Variants in SORCS1 observed in about 807,000 individuals in gnomAD.
The protein encoded by SORCS1 is sortilin related VPS10 domain containing receptor 1.
In SORCS1, 60 loss-of-function variants were observed where a neutral mutation model predicts 146.1. The observed-to-expected ratio is 0.41, with a 90% CI of 0.33 to 0.51. The LOEUF is 0.51. SORCS1 is among the 20% of genes least tolerant of loss of function. The pLI is 0.21. For missense variants in SORCS1, 1,352 were observed against 1,487.6 expected (o/e 0.91, Z 1.50); for synonymous variants, 637 against 584.0 (o/e 1.09, Z -1.31).
chr10:106,907,453 T>C (rs985686647), intron 2 of SORCS1, among the ~76,000 whole-genome samples: 7 of 152,298 alleles, frequency 4.6e-5, no homozygotes, highest in African/African-American at 1.2e-4. Flanking sequence ...AGGAAGTATA[T>C]ATACCTAAAG....
At chr10:106,802,272 A>C (rs1447537624) in intron 3 of SORCS1, among the ~76,000 whole-genome samples, 1 of 152,196 alleles carries the variant, frequency 6.6e-6, no homozygotes, top group African/African-American at 2.4e-5. Flanking sequence ...TTCAGGGAAG[A>C]TTTGCATCCA....
intron 1 of SORCS1, among the ~76,000 whole-genome samples, chr10:107,112,426 C>T (rs1286807649): frequency 6.6e-6 from 1 of 151,518 alleles, no homozygotes. Flanking sequence ...ACAAAGCATA[C>T]CAATACAAAA....
chr10:106,951,018 A>G (rs1289060436), intron 2 of SORCS1, among the ~76,000 whole-genome samples: 1 of 152,196 alleles, frequency 6.6e-6, no homozygotes, highest in East Asian at 1.9e-4. Flanking sequence ...AAAGTAAAGA[A>G]GCAACACTTA....
chr10:106,764,582 T>A (rs1409621585), intron 4 of SORCS1, among the ~76,000 whole-genome samples: 1 of 152,194 alleles, frequency 6.6e-6, no homozygotes, highest in East Asian at 1.9e-4. Context: ...ATCATTACTA[T>A]CTGTCACATC....
chr10:106,810,705 C>T (rs1036851512), intron 3 of SORCS1, among the ~76,000 whole-genome samples: 1 of 152,214 alleles, frequency 6.6e-6, no homozygotes, highest in Non-Finnish European at 1.5e-5. Context: ...GTCCCTACTT[C>T]AATTCCTAAG....
chr10:106,592,526 A>G (rs964404416), intron 24 of SORCS1, among the ~76,000 whole-genome samples: 1 of 152,106 alleles, frequency 6.6e-6, no homozygotes, highest in Admixed American at 6.5e-5. Flanking sequence ...CCAACAACAT[A>G]CTCTGGCTCA....
intron 1 of SORCS1, among the ~76,000 whole-genome samples, chr10:107,001,112 C>G (rs1428653909): frequency 6.6e-6 from 1 of 152,046 alleles, no homozygotes; most frequent in Non-Finnish European, 1.5e-5. Flanking sequence ...AATTGAATCC[C>G]AAAATGAAGC....
intron 2 of SORCS1, among the ~76,000 whole-genome samples, chr10:106,866,298 A>G (rs1950219941): frequency 6.6e-6 from 1 of 152,150 alleles, no homozygotes. Context: ...AGGTCACTCC[A>G]TCTCCCATGG....
At chr10:107,170,267 T>C in the SORCS1 span, among the ~76,000 whole-genome samples, 1 of 152,210 alleles carries the variant, frequency 6.6e-6, no homozygotes, top group Non-Finnish European at 1.5e-5. Flanking sequence ...ATAACATGTT[T>C]TCTGGTCCAA....
At chr10:106,610,025 G>A (rs1334420714) in intron 22 of SORCS1, among the ~76,000 whole-genome samples, 1 of 152,152 alleles carries the variant, frequency 6.6e-6, no homozygotes, top group Non-Finnish European at 1.5e-5. Flanking sequence ...CCCTAGAGAC[G>A]GATGGCTCAG....
intron 1 of SORCS1, among the ~76,000 whole-genome samples, chr10:107,086,472 TATAA>T (rs1963769303): frequency 6.6e-6 from 1 of 152,232 alleles, no homozygotes; most frequent in Non-Finnish European, 1.5e-5. Context: ...TTTATCAAAC[TATAA>T]ATAATATGGC....
intron 5 of SORCS1, among the ~76,000 whole-genome samples, chr10:106,753,692 A>T (rs1858428066): frequency 6.6e-6 from 1 of 152,126 alleles, no homozygotes; most frequent in African/African-American, 2.4e-5. Flanking sequence ...TTAAAAAAAA[A>T]AAAAAGTCAC....
intron 18 of SORCS1, among the ~76,000 whole-genome samples, chr10:106,648,878 C>A (rs1338437809): frequency 6.6e-6 from 1 of 151,926 alleles, no homozygotes; most frequent in Non-Finnish European, 1.5e-5. Context: ...CCTATAAAAA[C>A]CCCTGACACC....
chr10:106,619,772 AAGACTT>A (rs1248243589), intron 20 of SORCS1, among the ~76,000 whole-genome samples: 22 of 152,228 alleles, frequency 1.4e-4, no homozygotes, highest in African/African-American at 5.1e-4. Flanking sequence ...TGCAAAATGA[AAGACTT>A]AGAGTAAACA....
chr10:106,598,127 G>A (rs1846015047), intron 23 of SORCS1, among the ~76,000 whole-genome samples: 1 of 152,010 alleles, frequency 6.6e-6, no homozygotes, highest in Non-Finnish European at 1.5e-5. Flanking sequence ...TTTTATGGAT[G>A]AGGTAAAATG....
chr10:107,149,636 G>C (rs1198479928), intron 1 of SORCS1, among the ~76,000 whole-genome samples: 1 of 152,242 alleles, frequency 6.6e-6, no homozygotes, highest in Non-Finnish European at 1.5e-5. Flanking sequence ...ATTCTTGATT[G>C]TGTGTGTTGG....
chr10:106,840,741 C>T (rs946601314), intron 2 of SORCS1, among the ~76,000 whole-genome samples: 1 of 151,232 alleles, frequency 6.6e-6, no homozygotes, highest in Admixed American at 6.6e-5. Context: ...ATTGCCAGAG[C>T]CACCTTAATC....
intron 4 of SORCS1, among the ~76,000 whole-genome samples, chr10:106,772,806 C>T (rs1564640997): frequency 6.6e-6 from 1 of 152,050 alleles, no homozygotes; most frequent in Non-Finnish European, 1.5e-5. Flanking sequence ...AAAAAGCCTC[C>T]ACTGGGATTT....
Position 107,091,983 on chromosome 10 carries a change from GTACCT to G in SORCS1, c.558+71981_558+71985del, listed in dbSNP as rs368248829. Among the ~76,000 whole-genome samples the G allele has an allele frequency of 1.8e-3, 273 of 152,264 alleles. 1 individual carries two copies. Among genetic ancestry groups the G allele is most frequent in the African/African-American group, 6.0e-3 (249 of 41,528 alleles). ...ACACTGCACATCAGTATCTAGCAGAGTACCTACAGGACCAAAACAGGCCAGTAAAT... is the reference window on the plus strand; with the variant it reads ...ACACTGCACATCAGTATCTAGCAGAGACAGGACCAAAACAGGCCAGTAAAT... On this transcript the variant is annotated intron_variant, in intron 1 of 25. Transcript: ENST00000263054.
Sources: gnomAD v4.1 joint callset for allele counts (sites outside exome capture counted in the v4.1 genomes callset) on GRCh38, gnomAD v4.1.1 for gene constraint, MANE v1.5 for transcripts, NCBI Gene and HGNC (gene_info 2026-07-23, HGNC 2026-07-21) for gene names.